The following SLC28A1 variants were observed in gnomAD, a reference collection of about 807,000 sequenced individuals.
The protein encoded by SLC28A1 is solute carrier family 28 member 1, also known as sodium/nucleoside cotransporter 1.
In SLC28A1, 64 loss-of-function variants were observed where a neutral mutation model predicts 74.8. That is an observed-to-expected ratio of 0.86 (90% confidence interval 0.70 to 1.05). SLC28A1 has a LOEUF of 1.05. SLC28A1 is among the 50% of genes least tolerant of loss of function. The pLI is 0.00. For missense variants in SLC28A1, 828 were observed against 822.8 expected (o/e 1.01, Z -0.08); for synonymous variants, 359 against 335.0 (o/e 1.07, Z -0.78).
chr15:84,892,238 G>A (rs560781697), intron 5 of SLC28A1, among the ~76,000 whole-genome samples: 1 of 152,166 alleles, frequency 6.6e-6, no homozygotes, highest in South Asian at 2.1e-4. Flanking sequence ...AGGAGGATGG[G>A]TACAGATGCA....
At chr15:84,939,112 G>A (rs1347040985) in intron 15 of SLC28A1, among the ~76,000 whole-genome samples, 2 of 152,154 alleles carry the variant, frequency 1.3e-5, no homozygotes, top group African/African-American at 4.8e-5. Context: ...TTAAGACCAG[G>A]AGTTCAAGAC....
chr15:84,910,446 C>T (rs933106880), intron 9 of SLC28A1, among the ~76,000 whole-genome samples: 1 of 152,110 alleles, frequency 6.6e-6, no homozygotes, highest in African/African-American at 2.4e-5. Context: ...CACACACACT[C>T]AGCTGGGCGC....
Position 84,908,708 on chromosome 15 carries a change from T to G in SLC28A1, c.718-10T>G. 6.2e-7 allele frequency: 1 copy of G among 1,612,490 alleles called. No homozygotes were observed. The highest frequency in any genetic ancestry group is 8.5e-7 in the Non-Finnish European group (1 of 1,179,636). Reference sequence around the variant, plus strand: ...TGCCTGTTTTTGTTTGTTTTGCTTTTTTCTTTCAGATCTTCCTGAGCTACA... The same window carrying G: ...TGCCTGTTTTTGTTTGTTTTGCTTTGTTCTTTCAGATCTTCCTGAGCTACA... On this transcript the variant is annotated splice_polypyrimidine_tract_variant and intron_variant, in intron 8 of 18. Transcript: ENST00000394573.
intron 8 of SLC28A1, among the ~76,000 whole-genome samples, chr15:84,907,385 A>G (rs987286221): frequency 1.3e-5 from 2 of 152,214 alleles, no homozygotes; most frequent in East Asian, 3.8e-4. Context: ...GGGTTTTACC[A>G]TGTTGCCAAG....
intron 15 of SLC28A1, among the ~76,000 whole-genome samples, chr15:84,939,250 A>C (rs1471111762): frequency 4.6e-5 from 7 of 152,106 alleles, no homozygotes. Context: ...GACCCAGGAG[A>C]CTGGGGCTGC....
At chr15:84,890,726 C>T (rs1304917027) in intron 5 of SLC28A1, among the ~76,000 whole-genome samples, 192 bp downstream of exon 5, 1 of 152,216 alleles carries the variant, frequency 6.6e-6, no homozygotes, top group Non-Finnish European at 1.5e-5. Flanking sequence ...GGCACTCCCT[C>T]ATCAGTAAGG....
intron 12 of SLC28A1, among the ~76,000 whole-genome samples, chr15:84,932,592 C>G (rs1002226262): frequency 3.9e-5 from 6 of 152,164 alleles, no homozygotes; most frequent in Non-Finnish European, 5.9e-5. Flanking sequence ...AAAGAGAGAG[C>G]CTAGAGAGGG....
In SLC28A1 at chr15:84,886,799, CAG is replaced by C. The variant is rs1964650764; in HGVS notation, c.-17+13_-17+14del. 1 of 982,320 alleles carries C rather than the reference CAG, an allele frequency of 1.0e-6. No individual in the cohort carries two copies. The highest frequency in any genetic ancestry group is 1.2e-6 in the Non-Finnish European group (1 of 827,176). The allele number at this position is 982,320 out of a possible 1,614,324, so 60.9% of individuals were successfully genotyped here. A position where few individuals can be genotyped will look rare whatever the true frequency, so the allele number is the denominator to read the frequency against. The stretch of plus-strand genomic sequence containing the variant: ...TTAACCGCAAATACGTGAGTAGAAA[CAG>C]GGCCCCGCTTCTGTGTGCGCTGCTG... On this transcript the variant is annotated intron_variant, in intron 2 of 18. Transcript: ENST00000394573.
At chr15:84,932,037 T>C (rs1191948963) in intron 12 of SLC28A1, among the ~76,000 whole-genome samples, 1 of 152,014 alleles carries the variant, frequency 6.6e-6, no homozygotes, top group Non-Finnish European at 1.5e-5. Flanking sequence ...AAATCACCCC[T>C]GGCCCCAGCA....
chr15:84,944,882 T>C lies in SLC28A1; in HGVS notation c.1874+15T>C. On this transcript the variant is annotated intron_variant, in intron 18 of 18. Transcript: ENST00000394573. ...GCCTTCCAGAGGTGAGGGCCTGGGC[T>C]GTGGGACCTGCAGGGCACCCACAGT... 1.3e-6 allele frequency: 2 copies of C among 1,565,078 alleles called. No homozygotes were observed. Among genetic ancestry groups the C allele is most frequent in the East Asian group, 2.2e-5 (1 of 44,652 alleles).
intron 12 of SLC28A1, among the ~76,000 whole-genome samples, 177 bp downstream of exon 12, chr15:84,924,287 G>A (rs1040898372): frequency 6.6e-6 from 1 of 151,672 alleles, no homozygotes; most frequent in African/African-American, 2.4e-5. Flanking sequence ...CTCGGGCTTT[G>A]CGCATGGCCA....
At chr15:84,930,991 T>C (rs1414510495) in intron 12 of SLC28A1, among the ~76,000 whole-genome samples, 1 of 152,102 alleles carries the variant, frequency 6.6e-6, no homozygotes, top group African/African-American at 2.4e-5. Context: ...CAGACTGGTC[T>C]CGAACTCCTG....
intron 15 of SLC28A1, among the ~76,000 whole-genome samples, 175 bp downstream of exon 15, chr15:84,935,693 A>G (rs1416450902): frequency 6.6e-6 from 1 of 152,212 alleles, no homozygotes; most frequent in Non-Finnish European, 1.5e-5. Context: ...CTTCGCTGCC[A>G]TCTTTCTCAA....
At chr15:84,900,501 C>A (rs951101964) in intron 6 of SLC28A1, among the ~76,000 whole-genome samples, 5 of 151,186 alleles carry the variant, frequency 3.3e-5, no homozygotes, top group Non-Finnish European at 7.4e-5. Context: ...AAACCTGGTT[C>A]TACAAAAAGA....
At chr15:84,971,222 G>T in the SLC28A1 span, among the ~76,000 whole-genome samples, 1 of 152,180 alleles carries the variant, frequency 6.6e-6, no homozygotes, top group African/African-American at 2.4e-5. Flanking sequence ...AAGAGGATTG[G>T]TTACAAAGCT....
chr15:84,946,161 C>T (rs113746109), downstream of SLC28A1, among the ~76,000 whole-genome samples: 25,720 of 94,916 alleles, frequency 0.27, 4,618 homozygotes, highest in Middle Eastern at 0.57. Context: ...TGCTATGTTG[C>T]CCAGGCTAGT....
chr15:84,949,620 A>G (rs991703118), downstream of SLC28A1, among the ~76,000 whole-genome samples: 3 of 140,982 alleles, frequency 2.1e-5, no homozygotes, highest in African/African-American at 8.1e-5. Flanking sequence ...TATGTTGCCC[A>G]GGCTGGTCGT....
At chr15:84,923,136 C>G (rs937398456) in intron 11 of SLC28A1, among the ~76,000 whole-genome samples, 2 of 152,160 alleles carry the variant, frequency 1.3e-5, no homozygotes, top group African/African-American at 4.8e-5. Context: ...CAGGGTTTCA[C>G]CATGTTGGCC....
chr15:84,929,155 A>G (rs1970990843), intron 12 of SLC28A1, among the ~76,000 whole-genome samples: 1 of 152,218 alleles, frequency 6.6e-6, no homozygotes, highest in Non-Finnish European at 1.5e-5. Context: ...TGATAGTTTT[A>G]TATTGATTAC....
Sources: allele counts gnomAD v4.1 joint callset (sites outside exome capture counted in the v4.1 genomes callset), GRCh38; gene constraint gnomAD v4.1.1; transcripts MANE v1.5; gene names NCBI Gene and HGNC (gene_info 2026-07-23, HGNC 2026-07-21).